Variants in PRKN observed in about 807,000 individuals in gnomAD.
PRKN encodes parkin RBR E3 ubiquitin protein ligase, also known as E3 ubiquitin-protein ligase parkin.
In PRKN, 56 loss-of-function variants were observed where a neutral mutation model predicts 59.5. The ratio of observed to expected loss-of-function variants is 0.94; its 90% CI spans 0.76 to 1.18. PRKN has a LOEUF of 1.18. Among genes scored for constraint, PRKN ranks in the 50% most tolerant of loss-of-function variants. The pLI, the probability that PRKN is intolerant of heterozygous loss-of-function variation, is 0.00. For synonymous variants in PRKN, 250 were observed against 222.1 expected (o/e 1.13, Z -1.12); for missense variants, 657 against 596.4 (o/e 1.10, Z -1.06).
At chr6:161,426,365 G>C (rs1190556847) in intron 9 of PRKN, among the ~76,000 whole-genome samples, 3 of 152,080 alleles carry the variant, frequency 2.0e-5, no homozygotes, top group African/African-American at 7.2e-5. Context: ...CAGTGGGCTG[G>C]GGAAGGCAGA....
intron 2 of PRKN, among the ~76,000 whole-genome samples, chr6:162,397,447 T>C (rs1371200191): frequency 6.6e-6 from 1 of 152,076 alleles, no homozygotes; most frequent in East Asian, 1.9e-4. Context: ...GAAAGAGTCC[T>C]AGCTAATACA....
At chr6:161,805,682 T>C (rs1455517430) in intron 6 of PRKN, among the ~76,000 whole-genome samples, 3 of 152,204 alleles carry the variant, frequency 2.0e-5, no homozygotes, top group African/African-American at 7.2e-5. Context: ...TGCTTTACAA[T>C]GAGGCAAGGA....
chr6:162,243,729 G>A (rs1256986298), intron 3 of PRKN, among the ~76,000 whole-genome samples: 1 of 152,118 alleles, frequency 6.6e-6, no homozygotes, highest in Non-Finnish European at 1.5e-5. Flanking sequence ...TTTTTGACTA[G>A]CATCAAATCC....
At chr6:162,127,470 C>T (rs1781170132) in intron 4 of PRKN, among the ~76,000 whole-genome samples, 1 of 152,176 alleles carries the variant, frequency 6.6e-6, no homozygotes, top group Non-Finnish European at 1.5e-5. Flanking sequence ...AACATTATTT[C>T]TCTTCTTTGC....
At chr6:161,517,688 C>T (rs368993622) in intron 9 of PRKN, among the ~76,000 whole-genome samples, 123 of 131,020 alleles carry the variant, frequency 9.4e-4, no homozygotes, top group African/African-American at 3.2e-3. Context: ...TGCAGTGAGC[C>T]GAGATCGCGT....
rs556634489 is a variant in PRKN at position 161,895,662 on chromosome 6, C to T, written c.734+77640G>A. Among the ~76,000 whole-genome samples the T allele has an allele frequency of 1.5e-4, 19 of 126,524 alleles. 1 individual carries two copies. Among genetic ancestry groups the T allele is most frequent in the African/African-American group, 2.4e-4 (7 of 28,616 alleles). 83.0% of individuals were successfully genotyped at this position (126,524 alleles called of 152,430 possible). A position where few individuals can be genotyped will look rare whatever the true frequency, so the allele number is the denominator to read the frequency against. On this transcript the variant is annotated intron_variant, in intron 6 of 11. Coordinates refer to ENST00000366898, the MANE Select transcript of PRKN (RefSeq NM_004562.3). Reference sequence around the variant, plus strand: ...GTGAGGCTTCTGAGATTCAGGAGCACGCCCACCCCTCCTGCTGTTATGCCC... The same window carrying T: ...GTGAGGCTTCTGAGATTCAGGAGCATGCCCACCCCTCCTGCTGTTATGCCC...
chr6:161,549,125 TG>T lies in PRKN; in HGVS notation c.934-123del. ...GTTTCAGTAAAATAATGCATGTGTG[TG>T]TGTGTGTGTGTGTGTAGGGGGAGGG... On this transcript the variant is annotated intron_variant, in intron 8 of 11. Transcript: ENST00000366898. The surrounding 1 kb of genome is among the most constrained non-coding windows in gnomAD (Gnocchi z 6.0). The T allele has an allele frequency of 2.6e-6, 2 of 772,536 alleles. No individual in the cohort carries two copies. Among genetic ancestry groups the T allele is most frequent in the Non-Finnish European group, 2.1e-6 (1 of 487,272 alleles). The allele number at this position is 772,536 out of a possible 1,614,324, so 47.9% of individuals were successfully genotyped here. A position where few individuals can be genotyped will look rare whatever the true frequency, so the allele number is the denominator to read the frequency against.
In PRKN at chr6:161,420,369, C is replaced by T. The variant is rs145083909; in HGVS notation, c.1084-33492G>A. On this transcript the variant is annotated intron_variant, in intron 9 of 11. Transcript: ENST00000366898. ...TGAGAGGTCAGGAGTTAGTCTTAAG[C>T]AGTTTTCAAAGGTGCAAGGGCTGGA... 1.6e-3 allele frequency among the ~76,000 whole-genome samples: 236 copies of T among 152,076 alleles called. 1 individual carries two copies. Among genetic ancestry groups the T allele is most frequent in the African/African-American group, 5.4e-3 (223 of 41,470 alleles).
intron 2 of PRKN, among the ~76,000 whole-genome samples, chr6:162,281,444 C>T (rs111883069): frequency 1.3e-4 from 20 of 151,866 alleles, no homozygotes; most frequent in East Asian, 9.7e-4. Flanking sequence ...ATAAGAAATG[C>T]GGTATTACTA....
intron 2 of PRKN, among the ~76,000 whole-genome samples, chr6:162,333,684 T>C (rs1286153306): frequency 6.6e-6 from 1 of 152,150 alleles, no homozygotes; most frequent in Non-Finnish European, 1.5e-5. Context: ...GCAACTATAC[T>C]GTATTAGACC....
chr6:161,376,146 TC>T lies in PRKN; in HGVS notation c.1167+10647del, dbSNP rs1185874105. Among the ~76,000 whole-genome samples the T allele has an allele frequency of 2.0e-5, 3 of 152,116 alleles. No homozygotes were observed. Among genetic ancestry groups the T allele is most frequent in the Admixed American group, 1.3e-4 (2 of 15,272 alleles). ...CCCTGGAGCCACTGCTGCTTCAGTG[TC>T]CTCCACTGAGGGAGGTGCACCTCCT... On this transcript the variant is annotated intron_variant, in intron 10 of 11. Transcript: ENST00000366898. This position sits in a 1 kb window ranked among gnomAD's most constrained non-coding sequence, Gnocchi z 7.3.
intron 5 of PRKN, among the ~76,000 whole-genome samples, chr6:162,012,645 C>A (rs560130559): frequency 5.3e-5 from 8 of 152,108 alleles, no homozygotes; most frequent in Non-Finnish European, 1.0e-4. Flanking sequence ...CTGATCCTTA[C>A]TTGTAAATTG....
chr6:162,610,403 C>T lies in PRKN; in HGVS notation c.7+117259G>A, dbSNP rs147793812. 8.8e-3 allele frequency among the ~76,000 whole-genome samples: 1,335 copies of T among 152,266 alleles called. 16 individuals are homozygous for T. The highest frequency in any genetic ancestry group is 0.03 in the African/African-American group (1,252 of 41,546). Reference sequence around the variant, plus strand: ...ATCTTACTCGCTAATAAGTTTATAACGAATGTGCTGCTACGCTGTTAGAGG... The same window carrying T: ...ATCTTACTCGCTAATAAGTTTATAATGAATGTGCTGCTACGCTGTTAGAGG... On this transcript the variant is annotated intron_variant, in intron 1 of 11. Coordinates refer to ENST00000366898, the MANE Select transcript of PRKN (RefSeq NM_004562.3).
Position 161,463,744 on chromosome 6 carries a change from G to T in PRKN, c.1084-76867C>A, listed in dbSNP as rs1283783450. 6.6e-6 allele frequency among the ~76,000 whole-genome samples: 1 copy of T among 152,176 alleles called. No individual in the cohort carries two copies. Among genetic ancestry groups the T allele is most frequent in the Non-Finnish European group, 1.5e-5 (1 of 68,040 alleles). ...AAGCAACATCAGAACTGCATACACA[G>T]TGGTAAAGATCAAGTGTCCACTTTG... On this transcript the variant is annotated intron_variant, in intron 9 of 11. Transcript: ENST00000366898. The surrounding 1 kb of genome is among the most constrained non-coding windows in gnomAD (Gnocchi z 4.8).
rs961133472 is a variant in PRKN, at chr6:162,009,081, C to G, written c.619-35664G>C. On this transcript the variant is annotated intron_variant, in intron 5 of 11. Coordinates refer to ENST00000366898, the MANE Select transcript of PRKN (RefSeq NM_004562.3). ...CATCCTGGCCAACACGGTGAAACCC[C>G]GTCTTTACTAAAAATACAAAAATTA... is the stretch of plus-strand genomic sequence containing the variant. Among the ~76,000 whole-genome samples, 17 of 151,796 alleles carry G rather than the reference C, an allele frequency of 1.1e-4. No individual in the cohort carries two copies. In the East Asian group the frequency reaches 3.1e-3, roughly 28 times the overall value.
intron 1 of PRKN, among the ~76,000 whole-genome samples, chr6:162,621,614 C>T (rs1423014930): frequency 2.6e-5 from 4 of 152,162 alleles, no homozygotes; most frequent in Admixed American, 2.6e-4. Context: ...TGTTACATAA[C>T]AAATGTTAAT....
intron 1 of PRKN, among the ~76,000 whole-genome samples, chr6:162,584,220 AAAAAC>A (rs1397165699): frequency 6.1e-5 from 6 of 99,122 alleles, no homozygotes; most frequent in East Asian, 6.2e-4. Context: ...CTCAAAAAAA[AAAAAC>A]AAAAAACAAA....
rs780285837 is a variant in PRKN, at chr6:161,581,208, CAA to C, written c.872-11794_872-11793del. ...TGGGCAACAGAGTGAGACTCTGTCTCAAAAAAAAAAAAAAAGTTTCTCTATGT... is the reference window on the plus strand; with the variant it reads ...TGGGCAACAGAGTGAGACTCTGTCTCAAAAAAAAAAAAAGTTTCTCTATGT... On this transcript the variant is annotated intron_variant, in intron 7 of 11. Coordinates refer to ENST00000366898, the MANE Select transcript of PRKN (RefSeq NM_004562.3). The surrounding 1 kb of genome is among the most constrained non-coding windows in gnomAD (Gnocchi z 4.5). Among the ~76,000 whole-genome samples, 17 of 118,526 alleles carry C rather than the reference CAA, an allele frequency of 1.4e-4. No individual in the cohort carries two copies. The highest frequency in any genetic ancestry group is 9.3e-5 in the African/African-American group (3 of 32,370). 77.8% of individuals were successfully genotyped at this position (118,526 alleles called of 152,430 possible). A position where few individuals can be genotyped will look rare whatever the true frequency, so the allele number is the denominator to read the frequency against.
At chr6:162,501,159 A>AG (rs1245587903) in intron 1 of PRKN, among the ~76,000 whole-genome samples, 1 of 152,090 alleles carries the variant, frequency 6.6e-6, no homozygotes, top group Non-Finnish European at 1.5e-5. Flanking sequence ...TCTATCTCTA[A>AG]TAATAATAGT....
Sources: allele counts gnomAD v4.1 joint callset (sites outside exome capture counted in the v4.1 genomes callset), GRCh38; gene constraint gnomAD v4.1.1; non-coding constraint Gnocchi (gnomAD v3.1); transcripts MANE v1.5; gene names NCBI Gene and HGNC (gene_info 2026-07-23, HGNC 2026-07-21).